The following CFAP52 variants were observed in gnomAD, a reference collection of about 807,000 sequenced individuals.
CFAP52 encodes the protein cilia and flagella associated protein 52, also known as cilia- and flagella-associated protein 52.
A neutral mutation model predicts 70.5 loss-of-function variants in CFAP52; 57 were observed. The ratio of observed to expected loss-of-function variants is 0.81; its 90% CI spans 0.65 to 1.01. CFAP52 has a LOEUF of 1.01. CFAP52 is among the 50% of genes least tolerant of loss of function. CFAP52 has a pLI of 0.00. For synonymous variants in CFAP52, 267 were observed against 292.5 expected (o/e 0.91, Z 0.89); for missense variants, 785 against 788.5 (o/e 1.00, Z 0.05).
chr17:9,624,152 T>C (rs1265064299), intron 8 of CFAP52, among the ~76,000 whole-genome samples: 1 of 152,212 alleles, frequency 6.6e-6, no homozygotes, highest in Non-Finnish European at 1.5e-5. Context: ...GTGATTTGTC[T>C]TTCTCTTTGT....
chr17:9,631,672 G>C (rs756891499), intron 9 of CFAP52, among the ~76,000 whole-genome samples: 8 of 152,154 alleles, frequency 5.3e-5, no homozygotes, highest in Non-Finnish European at 1.0e-4. Flanking sequence ...AGAGATGGCG[G>C]GGGTTGGGGG....
chr17:9,595,571 C>A (rs1908962369), intron 4 of CFAP52, among the ~76,000 whole-genome samples: 1 of 152,092 alleles, frequency 6.6e-6, no homozygotes, highest in Admixed American at 6.6e-5. Flanking sequence ...TCCTTCACAG[C>A]CCCTTAAGCA....
intron 3 of CFAP52, among the ~76,000 whole-genome samples, chr17:9,591,030 C>CTTTTTT (rs34888799): frequency 1.0e-3 from 80 of 76,758 alleles, no homozygotes; most frequent in Admixed American, 1.2e-3. Context: ...TTGCATGCAT[C>CTTTTTT]TTTTTTTTTT....
At chr17:9,639,801 T>C (rs1454881132) in intron 12 of CFAP52, among the ~76,000 whole-genome samples, 1 of 152,112 alleles carries the variant, frequency 6.6e-6, no homozygotes, top group African/African-American at 2.4e-5. Context: ...AAGGACTCAG[T>C]CAATGCCTAG....
chr17:9,594,144 G>C (rs751028010), intron 3 of CFAP52, 49 bp from the exon 4 acceptor site: 31 of 1,527,822 alleles, frequency 2.0e-5, no homozygotes, highest in Non-Finnish European at 2.7e-5. Flanking sequence ...TATTTTAAAA[G>C]CCTGTTTTCT....
intron 8 of CFAP52, among the ~76,000 whole-genome samples, chr17:9,613,621 G>A (rs1325910128): frequency 1.3e-5 from 2 of 151,854 alleles, no homozygotes; most frequent in African/African-American, 4.8e-5. Flanking sequence ...CGATTCAAGC[G>A]ATTCTCCTGC....
chr17:9,633,039 G>A lies in CFAP52; in HGVS notation c.1320+6G>A. 1.2e-6 allele frequency: 2 copies of A among 1,612,528 alleles called. No homozygotes were observed. Among genetic ancestry groups the A allele is most frequent in the Non-Finnish European group, 1.7e-6 (2 of 1,179,350 alleles). On this transcript the variant is annotated splice_donor_region_variant and intron_variant, in intron 10 of 13. Transcript: ENST00000352665. ...GTGGCGGTGGGGAAGGGGAGGTATTGAAAGCAGAAATTTGAAAAAATAACG... is the reference window on the plus strand; with the variant it reads ...GTGGCGGTGGGGAAGGGGAGGTATTAAAAGCAGAAATTTGAAAAAATAACG...
chr17:9,612,325 G>A lies in CFAP52; in HGVS notation c.871G>A (p.Gly291Ser), dbSNP rs1477801019. ...TCCCTAAAGGAAGATTCAGTTACAAGGCGGCATCACTTCTATCACACTTCG... is the reference window on the plus strand; with the variant it reads ...TCCCTAAAGGAAGATTCAGTTACAAAGCGGCATCACTTCTATCACACTTCG... ...YKPIKKIQLQ[G>S]GITSITLRGE... The change falls in exon 8 of 14, where the codon GGC (glycine) becomes AGC (serine). Residue 291 changes from glycine to serine, a missense_variant. Coordinates refer to ENST00000352665, the MANE Select transcript of CFAP52 (RefSeq NM_145054.5). The A allele has an allele frequency of 2.5e-6, 4 of 1,614,046 alleles. No individual in the cohort carries two copies. The highest frequency in any genetic ancestry group is 2.5e-6 in the Non-Finnish European group (3 of 1,179,968).
chr17:9,634,751 A>G (rs139089477), intron 10 of CFAP52, among the ~76,000 whole-genome samples: 1 of 152,256 alleles, frequency 6.6e-6, no homozygotes, highest in East Asian at 1.9e-4. Context: ...GAGACGGACC[A>G]AGACTCCATC....
chr17:9,633,396 G>A (rs1179010719), intron 10 of CFAP52, among the ~76,000 whole-genome samples: 2 of 151,916 alleles, frequency 1.3e-5, no homozygotes, highest in South Asian at 2.1e-4. Flanking sequence ...GTAGAGATGG[G>A]GTTTCACCAT....
chr17:9,608,298 A>G, intron 7 of CFAP52, 79 bp downstream of exon 7: 3 of 1,180,286 alleles, frequency 2.5e-6, no homozygotes, highest in East Asian at 5.1e-5. Flanking sequence ...CAACTCGATG[A>G]TATCGGCAAA....
intron 8 of CFAP52, among the ~76,000 whole-genome samples, chr17:9,626,437 C>T (rs923926404): frequency 7.9e-5 from 12 of 152,160 alleles, no homozygotes; most frequent in African/African-American, 2.9e-4. Flanking sequence ...GCCATGTTGG[C>T]CAGGCTGGTC....
intron 4 of CFAP52, among the ~76,000 whole-genome samples, chr17:9,596,194 G>C: frequency 6.7e-6 from 1 of 149,998 alleles, no homozygotes; most frequent in East Asian, 2.0e-4. Context: ...CTGCCTCCCG[G>C]GTTCAAATGA....
Position 9,643,189 on chromosome 17 carries a change from T to A in CFAP52, c.1854T>A (p.Tyr618Ter), listed in dbSNP as rs1337817435. Residue 618 changes from tyrosine (Y) to a stop codon, truncating the protein, a stop_gained, in exon 14 of 14, where the codon TAT becomes TAA. Coordinates refer to ENST00000352665, the MANE Select transcript of CFAP52 (RefSeq NM_145054.5). LOFTEE classifies it high-confidence loss of function. ...DGAILRWKYP[Y>*]TS ...CCATTTTGCGATGGAAGTACCCATA[T>A]ACCTCCTGAAGCTGATGAGATGTCT... is the stretch of plus-strand genomic sequence containing the variant. 1 of 1,609,134 alleles carries A rather than the reference T, an allele frequency of 6.2e-7. No homozygotes were observed. The highest frequency in any genetic ancestry group is 8.5e-7 in the Non-Finnish European group (1 of 1,177,516).
At chr17:9,594,995 A>G (rs1417119509) in intron 4 of CFAP52, among the ~76,000 whole-genome samples, 3 of 149,998 alleles carry the variant, frequency 2.0e-5, no homozygotes, top group Non-Finnish European at 4.4e-5. Context: ...GGTTCAAGCA[A>G]TTCTCCTGCC....
At chr17:9,625,245 T>TTG (rs1242119983) in intron 8 of CFAP52, among the ~76,000 whole-genome samples, 1 of 152,130 alleles carries the variant, frequency 6.6e-6, no homozygotes, top group East Asian at 1.9e-4. Flanking sequence ...CTCTGCCTGC[T>TTG]TGTTCTTCCT....
chr17:9,589,154 A>G (rs2151929821), intron 3 of CFAP52, among the ~76,000 whole-genome samples: 1 of 152,284 alleles, frequency 6.6e-6, no homozygotes, highest in South Asian at 2.1e-4. Context: ...TCAATGCAAG[A>G]CATTCCTATG....
intron 3 of CFAP52, 115 bp from the exon 4 acceptor site, chr17:9,594,078 T>A: frequency 2.1e-6 from 3 of 1,421,446 alleles, no homozygotes; most frequent in Admixed American, 2.6e-5. Context: ...TGTTGTTCGT[T>A]TTTAAGTAAC....
At chr17:9,602,218 C>T (rs147646589) in intron 6 of CFAP52, among the ~76,000 whole-genome samples, 151 of 152,232 alleles carry the variant, frequency 9.9e-4, no homozygotes, top group African/African-American at 3.2e-3. Flanking sequence ...TGGTGGTTTG[C>T]TGCACCCATT....
Sources: gnomAD v4.1 joint callset for allele counts (sites outside exome capture counted in the v4.1 genomes callset) on GRCh38, gnomAD v4.1.1 for gene constraint, MANE v1.5 for transcripts, NCBI Gene and HGNC (gene_info 2026-07-23, HGNC 2026-07-21) for gene names.